Variants in CCDC30 observed in about 807,000 individuals in gnomAD.
The protein encoded by CCDC30 is coiled-coil domain-containing protein 30.
Under a neutral mutation model 100.2 loss-of-function variants are expected in CCDC30, and 70 were observed. That is an observed-to-expected ratio of 0.70 (90% CI 0.58 to 0.85). The LOEUF is 0.85. CCDC30 is among the 40% of genes least tolerant of loss of function. The probability of loss-of-function intolerance (pLI) is 0.00; values close to 1 mark genes in which losing one functional copy is unlikely to be tolerated. For synonymous variants in CCDC30, 233 were observed against 269.5 expected (o/e 0.86, Z 1.33); for missense variants, 652 against 771.2 (o/e 0.85, Z 1.83).
intron 7 of CCDC30, among the ~76,000 whole-genome samples, chr1:42,571,886 A>G (rs72659999): frequency 0.14 from 20,631 of 152,252 alleles, 1,525 homozygotes; most frequent in East Asian, 0.17. Flanking sequence ...GCCTTTGAAC[A>G]GAGGGTTTAA....
intron 6 of CCDC30, among the ~76,000 whole-genome samples, chr1:42,528,925 A>G (rs1644766316): frequency 1.3e-5 from 2 of 152,360 alleles, no homozygotes; most frequent in East Asian, 3.9e-4. Context: ...GGTTTTCCCT[A>G]ACGTTTAACA....
chr1:42,650,666 C>T (rs1237217139), intron 15 of CCDC30, among the ~76,000 whole-genome samples: 3 of 151,896 alleles, frequency 2.0e-5, no homozygotes, highest in Non-Finnish European at 4.4e-5. Flanking sequence ...TCTTTTTCTG[C>T]TGCCCAGGCT....
intron 6 of CCDC30, among the ~76,000 whole-genome samples, chr1:42,563,597 G>T (rs976399206): frequency 1.3e-5 from 2 of 152,048 alleles, no homozygotes; most frequent in East Asian, 3.9e-4. Flanking sequence ...TTTTTAAAAA[G>T]TGGCTGGGCG....
At chr1:42,557,589 T>C (rs1276642355) in intron 6 of CCDC30, among the ~76,000 whole-genome samples, 1 of 144,628 alleles carries the variant, frequency 6.9e-6, no homozygotes, top group Admixed American at 7.0e-5. Context: ...AATGTTTATT[T>C]TATTAAAATA....
intron 6 of CCDC30, among the ~76,000 whole-genome samples, chr1:42,524,566 T>G (rs1342494220): frequency 3.9e-5 from 6 of 152,140 alleles, no homozygotes; most frequent in Non-Finnish European, 7.4e-5. Flanking sequence ...TGTACCTACA[T>G]GAGCGAAAGC....
chr1:42,568,545 C>T (rs778059573), intron 7 of CCDC30, among the ~76,000 whole-genome samples: 2 of 152,104 alleles, frequency 1.3e-5, no homozygotes, highest in Non-Finnish European at 2.9e-5. Context: ...TTCTCTCTTT[C>T]CTTTATAGAC....
chr1:42,466,579 C>A (rs185778797), intron 1 of CCDC30, among the ~76,000 whole-genome samples: 160 of 150,362 alleles, frequency 1.1e-3, no homozygotes, highest in African/African-American at 3.8e-3. Context: ...TGAGATGGAG[C>A]CTTGCTCTGT....
chr1:42,550,521 A>G (rs968726032), intron 6 of CCDC30, among the ~76,000 whole-genome samples: 2 of 152,042 alleles, frequency 1.3e-5, no homozygotes, highest in Admixed American at 1.3e-4. Flanking sequence ...CCAACTTTTA[A>G]AGGACTTTCC....
the CCDC30 span, chr1:42,456,906 G>C: frequency 1.9e-6 from 3 of 1,611,712 alleles, no homozygotes; most frequent in Non-Finnish European, 2.5e-6. Context: ...GCCCTTTCGG[G>C]CTTGCTGAGC....
chr1:42,617,233 G>A (rs573019307), intron 11 of CCDC30, among the ~76,000 whole-genome samples: 39 of 152,174 alleles, frequency 2.6e-4, no homozygotes, highest in South Asian at 1.2e-3. Context: ...GAACCCAGGA[G>A]TTCAAAACCA....
intron 1 of CCDC30, among the ~76,000 whole-genome samples, chr1:42,469,638 G>C (rs1270475483): frequency 2.6e-5 from 4 of 152,186 alleles, no homozygotes; most frequent in African/African-American, 4.8e-5. Flanking sequence ...ATGGGATGGG[G>C]CCTAGAATAC....
intron 6 of CCDC30, among the ~76,000 whole-genome samples, chr1:42,559,740 A>C (rs1645447682): frequency 6.6e-6 from 1 of 152,188 alleles, no homozygotes; most frequent in Non-Finnish European, 1.5e-5. Flanking sequence ...ATCGAGACAG[A>C]AAATTAACAA....
chr1:42,620,313 A>G (rs1646806243), intron 11 of CCDC30, among the ~76,000 whole-genome samples: 1 of 152,176 alleles, frequency 6.6e-6, no homozygotes, highest in African/African-American at 2.4e-5. Context: ...TGATGAAATA[A>G]TATCTGCAAC....
chr1:42,605,294 G>A (rs1646480570), intron 10 of CCDC30, among the ~76,000 whole-genome samples: 1 of 152,078 alleles, frequency 6.6e-6, no homozygotes, highest in Non-Finnish European at 1.5e-5. Context: ...GTAAAGCCTT[G>A]GTGAGGGGAG....
At chr1:42,551,523 C>T (rs572233756) in intron 6 of CCDC30, among the ~76,000 whole-genome samples, 7 of 151,930 alleles carry the variant, frequency 4.6e-5, no homozygotes, top group Non-Finnish European at 8.8e-5. Flanking sequence ...AAGATGCAGA[C>T]GTGCTGGCTA....
At chr1:42,505,612 A>T (rs1644382899) in intron 6 of CCDC30, among the ~76,000 whole-genome samples, 1 of 152,252 alleles carries the variant, frequency 6.6e-6, no homozygotes, top group African/African-American at 2.4e-5. Context: ...AATTATTTCT[A>T]CATAGGCCTT....
intron 7 of CCDC30, among the ~76,000 whole-genome samples, chr1:42,572,065 T>C (rs570261988): frequency 6.6e-6 from 1 of 152,326 alleles, no homozygotes; most frequent in Non-Finnish European, 1.5e-5. Context: ...TAGGAAGAGA[T>C]TGGGAGTGGA....
intron 7 of CCDC30, among the ~76,000 whole-genome samples, chr1:42,567,541 T>A (rs2148566852): frequency 6.6e-6 from 1 of 152,330 alleles, no homozygotes; most frequent in South Asian, 2.1e-4. Context: ...GAAGGCCTTC[T>A]AAGGGAGTTC....
chr1:42,553,657 A>ACACG (rs1283242411), intron 6 of CCDC30, among the ~76,000 whole-genome samples: 1 of 143,924 alleles, frequency 6.9e-6, no homozygotes, highest in East Asian at 2.1e-4. Context: ...TTCCATACAC[A>ACACG]CACACACACA....
Sources: gnomAD v4.1 joint callset for allele counts (sites outside exome capture counted in the v4.1 genomes callset) on GRCh38, gnomAD v4.1.1 for gene constraint, MANE v1.5 for transcripts, NCBI Gene and HGNC (gene_info 2026-07-23, HGNC 2026-07-21) for gene names.